Variants in GRID2 observed in about 807,000 individuals in gnomAD.
GRID2 encodes the protein glutamate receptor ionotropic, delta-2.
In GRID2, 33 loss-of-function variants were observed where a neutral mutation model predicts 114.8. The ratio of observed to expected loss-of-function variants is 0.29; its 90% confidence interval spans 0.22 to 0.38. The LOEUF is 0.38. GRID2 is among the 10% of genes least tolerant of loss of function. The pLI, the probability that GRID2 is intolerant of heterozygous loss-of-function variation, is 1.00. For missense variants in GRID2, 1,184 were observed against 1,257.7 expected, an observed-to-expected ratio of 0.94 and a Z score of 0.89; for synonymous variants, 505 against 449.9, an observed-to-expected ratio of 1.12 and a Z score of -1.55.
intron 8 of GRID2, among the ~76,000 whole-genome samples, chr4:93,287,765 A>C (rs1216594223): frequency 6.6e-6 from 1 of 152,204 alleles, no homozygotes; most frequent in Non-Finnish European, 1.5e-5. Flanking sequence ...TAAAGAGAGC[A>C]TGTTCACTAT....
chr4:93,482,945 C>T (rs1286297221), intron 11 of GRID2, among the ~76,000 whole-genome samples: 1 of 151,876 alleles, frequency 6.6e-6, no homozygotes, highest in African/African-American at 2.4e-5. Flanking sequence ...TTATTACCCC[C>T]ACATCTTCTG....
At chr4:93,800,907 C>A (rs1734915659) in intron 1 of GRID2, among the ~76,000 whole-genome samples, 1 of 152,122 alleles carries the variant, frequency 6.6e-6, no homozygotes, top group African/African-American at 2.4e-5. Flanking sequence ...TGCTGGAAAA[C>A]ACTGAATGAA....
At chr4:93,397,307 G>A (rs1273336672) in intron 9 of GRID2, among the ~76,000 whole-genome samples, 1 of 151,822 alleles carries the variant, frequency 6.6e-6, no homozygotes, top group Non-Finnish European at 1.5e-5. Context: ...ATTCGCTTCT[G>A]TATGTACCTA....
chr4:93,166,281 C>T (rs1050610401), intron 4 of GRID2: 1 of 152,258 alleles, frequency 6.6e-6, no homozygotes, highest in South Asian at 2.1e-4. Flanking sequence ...TAAAAATTTA[C>T]ATTTTCTCAA....
intron 2 of GRID2, among the ~76,000 whole-genome samples, chr4:92,642,308 T>C (rs1731394748): frequency 6.6e-6 from 1 of 151,824 alleles, no homozygotes. Context: ...TCAACATCTG[T>C]TATAGTTTAC....
chr4:92,890,938 A>G (rs1746736732), intron 2 of GRID2, among the ~76,000 whole-genome samples: 1 of 152,214 alleles, frequency 6.6e-6, no homozygotes, highest in Non-Finnish European at 1.5e-5. Context: ...CAGCCATAAA[A>G]TAGGATGAGT....
chr4:92,576,307 A>T (rs903335448), intron 1 of GRID2, among the ~76,000 whole-genome samples: 2 of 152,168 alleles, frequency 1.3e-5, no homozygotes, highest in African/African-American at 2.4e-5. Flanking sequence ...ACTCTCCAAA[A>T]CCCACAAGCT....
chr4:93,382,861 G>A (rs1403902498), intron 8 of GRID2, among the ~76,000 whole-genome samples: 1 of 150,456 alleles, frequency 6.6e-6, no homozygotes, highest in Non-Finnish European at 1.5e-5. Flanking sequence ...CCGGCAATCA[G>A]ATTGTACTTA....
chr4:92,776,145 A>G (rs1032893525), intron 2 of GRID2, among the ~76,000 whole-genome samples: 1 of 152,146 alleles, frequency 6.6e-6, no homozygotes, highest in Non-Finnish European at 1.5e-5. Context: ...TTAATCTTTC[A>G]TCGCTATAAA....
chr4:92,377,215 A>T (rs1000128108), intron 1 of GRID2, among the ~76,000 whole-genome samples: 4 of 152,124 alleles, frequency 2.6e-5, no homozygotes, highest in African/African-American at 9.7e-5. Flanking sequence ...GCTGCTTAGA[A>T]ATTTCTTCTG....
At chr4:93,694,625 C>T (rs1578589623) in intron 14 of GRID2, among the ~76,000 whole-genome samples, 2 of 152,186 alleles carry the variant, frequency 1.3e-5, no homozygotes, top group East Asian at 3.8e-4. Context: ...TACAAACATT[C>T]CTCCATATTC....
At chr4:92,412,103 C>A (rs948401516) in intron 1 of GRID2, among the ~76,000 whole-genome samples, 1 of 149,072 alleles carries the variant, frequency 6.7e-6, no homozygotes, top group Non-Finnish European at 1.5e-5. Context: ...AATTATATAT[C>A]GTGTTTTTTG....
At chr4:92,537,784 G>GGT (rs70942907) in intron 1 of GRID2, among the ~76,000 whole-genome samples, 38,566 of 125,354 alleles carry the variant, frequency 0.31, 5,122 homozygotes, top group East Asian at 0.36. Flanking sequence ...AAAAACTTGC[G>GGT]GTGTGTGTGT....
At chr4:92,825,682 A>C (rs1741644812) in intron 2 of GRID2, among the ~76,000 whole-genome samples, 1 of 152,156 alleles carries the variant, frequency 6.6e-6, no homozygotes, top group Admixed American at 6.6e-5. Context: ...TTCCCATATA[A>C]ATGAGAGCCA....
chr4:93,578,587 A>ATTTTT (rs59397408), intron 13 of GRID2, among the ~76,000 whole-genome samples: 109 of 83,860 alleles, frequency 1.3e-3, no homozygotes, highest in East Asian at 2.7e-3. Context: ...TGTTTTTTGT[A>ATTTTT]TTTTTTTTTT....
intron 2 of GRID2, among the ~76,000 whole-genome samples, chr4:93,059,333 C>T (rs138899201): frequency 4.7e-4 from 72 of 152,168 alleles, no homozygotes; most frequent in African/African-American, 1.5e-3. Flanking sequence ...TCATTTCAGA[C>T]AAAGGGAGAG....
intron 13 of GRID2, among the ~76,000 whole-genome samples, chr4:93,594,347 C>A (rs997834608): frequency 3.3e-5 from 5 of 152,174 alleles, no homozygotes; most frequent in African/African-American, 1.2e-4. Flanking sequence ...CTGGAGGGTG[C>A]CTCCCAGTTA....
At chr4:93,418,047 T>C (rs939234861) in intron 9 of GRID2, among the ~76,000 whole-genome samples, 5 of 150,854 alleles carry the variant, frequency 3.3e-5, no homozygotes, top group African/African-American at 1.2e-4. Context: ...AACCAAGTAA[T>C]ATTAACTTGT....
Position 93,772,395 on chromosome 4 carries a change from T to A in GRID2, c.2921T>A (p.Phe974Tyr), listed in dbSNP as rs144455304. 1.1e-3 allele frequency: 1,731 copies of A among 1,613,900 alleles called. 5 individuals carry two copies. Among genetic ancestry groups the A allele is most frequent in the Non-Finnish European group, 1.2e-3 (1,379 of 1,179,914 alleles). ...AGGCACAGGGCACCTAATGGGGGCT[T>A]TTTCAGGAGTCCTATAAAAACAATG... Reference protein sequence around the residue: ...PFRHRAPNGGFFRSPIKTMSS... With the variant: ...PFRHRAPNGGYFRSPIKTMSS... Residue 974 changes from phenylalanine (F) to tyrosine (Y), a missense_variant, in exon 16 of 16, where the codon TTT (phenylalanine) becomes TAT (tyrosine). Coordinates refer to ENST00000282020, the MANE Select transcript of GRID2 (RefSeq NM_001510.4).
Sources: gnomAD v4.1 joint callset for allele counts (sites outside exome capture counted in the v4.1 genomes callset) on GRCh38, gnomAD v4.1.1 for gene constraint, MANE v1.5 for transcripts, NCBI Gene and HGNC (gene_info 2026-07-23, HGNC 2026-07-21) for gene names.